The following MAGI1 variants were observed in gnomAD, a reference collection of about 807,000 sequenced individuals.
MAGI1 encodes the protein membrane-associated guanylate kinase, WW and PDZ domain-containing protein 1.
MAGI1 carries 58 observed loss-of-function variants against 139.9 expected under a neutral mutation model. That is an observed-to-expected ratio of 0.41 (90% CI 0.34 to 0.52). The LOEUF (loss-of-function observed/expected upper bound fraction) is 0.52. MAGI1 is among the 20% of genes least tolerant of loss of function. MAGI1 has a pLI of 0.12. For missense variants in MAGI1, 1,874 were observed against 1,901.6 expected, an observed-to-expected ratio of 0.99 and a Z score of 0.27; for synonymous variants, 812 against 737.9, an observed-to-expected ratio of 1.10 and a Z score of -1.63.
At chr3:65,588,234 TATAG>T (rs1458923699) in intron 2 of MAGI1, among the ~76,000 whole-genome samples, 4 of 152,284 alleles carry the variant, frequency 2.6e-5, no homozygotes, top group South Asian at 4.1e-4. Context: ...CTTCCAAGAA[TATAG>T]ATAGTCAGTT....
At chr3:65,767,590 C>A (rs1247767523) in intron 1 of MAGI1, among the ~76,000 whole-genome samples, 1 of 152,182 alleles carries the variant, frequency 6.6e-6, no homozygotes, top group African/African-American at 2.4e-5. Flanking sequence ...CAAGAAAGAA[C>A]TTCCCCTAAA....
chr3:65,546,688 C>T (rs1024675718), intron 2 of MAGI1, among the ~76,000 whole-genome samples: 18 of 152,302 alleles, frequency 1.2e-4, no homozygotes, highest in African/African-American at 4.3e-4. Flanking sequence ...CAGTTTTTAA[C>T]AGCCTATGAA....
intron 1 of MAGI1, among the ~76,000 whole-genome samples, chr3:65,648,986 C>G (rs1030013556): frequency 6.6e-6 from 1 of 152,112 alleles, no homozygotes; most frequent in African/African-American, 2.4e-5. Context: ...GATACTGAAA[C>G]AATTGGACAT....
intron 2 of MAGI1, among the ~76,000 whole-genome samples, chr3:65,581,589 G>C (rs2081426781): frequency 6.6e-6 from 1 of 152,050 alleles, no homozygotes; most frequent in Admixed American, 6.5e-5. Context: ...ACCTGGCACT[G>C]GCTGTTCCCT....
intron 1 of MAGI1, among the ~76,000 whole-genome samples, chr3:65,648,289 C>CTGTGTGTG (rs2085380952): frequency 9.7e-6 from 1 of 103,036 alleles, no homozygotes; most frequent in African/African-American, 4.0e-5. Context: ...GTACTACAGG[C>CTGTGTGTG]CGTGTGTGTG....
intron 1 of MAGI1, among the ~76,000 whole-genome samples, chr3:65,904,314 A>G (rs1384276770): frequency 1.3e-5 from 2 of 152,144 alleles, no homozygotes; most frequent in Non-Finnish European, 2.9e-5. Context: ...AAGGGTGATA[A>G]GGTCACACAA....
chr3:65,653,600 G>A (rs998313548), intron 1 of MAGI1, among the ~76,000 whole-genome samples: 8 of 152,152 alleles, frequency 5.3e-5, no homozygotes, highest in African/African-American at 1.9e-4. Flanking sequence ...AGCACAAATT[G>A]CATTTAACAA....
intron 2 of MAGI1, among the ~76,000 whole-genome samples, chr3:65,608,253 C>T (rs573827384): frequency 3.5e-4 from 53 of 152,174 alleles, no homozygotes; most frequent in Middle Eastern, 3.4e-3. Flanking sequence ...ACCAACCTGG[C>T]TAACATGGTG....
intron 1 of MAGI1, among the ~76,000 whole-genome samples, chr3:65,637,089 T>C (rs948074973): frequency 6.6e-6 from 1 of 152,316 alleles, no homozygotes; most frequent in African/African-American, 2.4e-5. Context: ...AGCTCCAAAC[T>C]AAATGCATGG....
chr3:65,432,431 G>C (rs567645029), intron 10 of MAGI1, among the ~76,000 whole-genome samples: 89 of 152,280 alleles, frequency 5.8e-4, no homozygotes, highest in African/African-American at 1.7e-3. Context: ...ATCTAAAAGA[G>C]TTTAAAAGGT....
intron 1 of MAGI1, among the ~76,000 whole-genome samples, chr3:65,697,742 T>C (rs2089321374): frequency 9.2e-6 from 1 of 108,484 alleles, no homozygotes; most frequent in Non-Finnish European, 1.9e-5. Context: ...ATAAGAGCTA[T>C]CTATGACAAA....
At chr3:65,876,521 A>T (rs1448147059) in intron 1 of MAGI1, among the ~76,000 whole-genome samples, 2 of 152,168 alleles carry the variant, frequency 1.3e-5, no homozygotes, top group East Asian at 3.9e-4. Flanking sequence ...AACAGAAAAT[A>T]ACAATAGATA....
chr3:65,672,946 A>C (rs995169232), intron 1 of MAGI1, among the ~76,000 whole-genome samples: 1 of 152,194 alleles, frequency 6.6e-6, no homozygotes, highest in East Asian at 1.9e-4. Flanking sequence ...CAAGTATGAT[A>C]AATTGCTTTC....
chr3:65,814,723 A>T lies in MAGI1; in HGVS notation c.314-192635T>A, dbSNP rs2041493661. 2.6e-5 allele frequency among the ~76,000 whole-genome samples: 4 copies of T among 152,062 alleles called. No individual in the cohort carries two copies. In the South Asian group the frequency reaches 8.3e-4, roughly 32 times the overall value. ...TCAGAGCATCACAGAATCTTACAGAACTCTTTTATAAAGAAAAATATGGCT... is the reference window on the plus strand; with the variant it reads ...TCAGAGCATCACAGAATCTTACAGATCTCTTTTATAAAGAAAAATATGGCT... On this transcript the variant is annotated intron_variant, in intron 1 of 22. Coordinates refer to ENST00000402939, the MANE Select transcript of MAGI1 (RefSeq NM_001033057.2).
Position 65,760,691 on chromosome 3 carries a change from G to A in MAGI1, c.314-138603C>T, listed in dbSNP as rs187372677. 7.7e-4 allele frequency among the ~76,000 whole-genome samples: 117 copies of A among 152,190 alleles called. 2 individuals are homozygous for A. The East Asian group carries it at 0.011, about 15-fold the overall frequency. On this transcript the variant is annotated intron_variant, in intron 1 of 22. Coordinates refer to ENST00000402939, the MANE Select transcript of MAGI1 (RefSeq NM_001033057.2). The stretch of plus-strand genomic sequence containing the variant: ...CAAAGAGGTAGGGTTACAGGCACGA[G>A]CCACTGGCCCAGCCTAGAGTTATAA...
intron 1 of MAGI1, among the ~76,000 whole-genome samples, chr3:65,650,416 CTG>C (rs1457461000): frequency 6.6e-6 from 1 of 152,154 alleles, no homozygotes; most frequent in Admixed American, 6.6e-5. Context: ...GTTAAACAAA[CTG>C]TGGCACATCC....
chr3:65,542,440 CA>C (rs2079280363), intron 2 of MAGI1, among the ~76,000 whole-genome samples: 1 of 150,274 alleles, frequency 6.7e-6, no homozygotes, highest in African/African-American at 2.4e-5. Flanking sequence ...ATATGGAACC[CA>C]AAAAGTGCAA....
intron 2 of MAGI1, among the ~76,000 whole-genome samples, chr3:65,581,435 A>G (rs2106640931): frequency 6.6e-6 from 1 of 152,224 alleles, no homozygotes; most frequent in South Asian, 2.1e-4. Flanking sequence ...GTACATGCTG[A>G]AGTTGCCACA....
intron 12 of MAGI1, among the ~76,000 whole-genome samples, chr3:65,403,810 T>C (rs575753958): frequency 6.6e-6 from 1 of 152,190 alleles, no homozygotes; most frequent in Non-Finnish European, 1.5e-5. Context: ...TTTCATTCTC[T>C]AGCAATGCAC....
Sources: gnomAD v4.1 joint callset for allele counts (sites outside exome capture counted in the v4.1 genomes callset) on GRCh38, gnomAD v4.1.1 for gene constraint, MANE v1.5 for transcripts, NCBI Gene and HGNC (gene_info 2026-07-23, HGNC 2026-07-21) for gene names.